Variants in ZNF469 observed in about 807,000 individuals in gnomAD.
ZNF469 encodes the protein zinc finger protein 469.
A neutral mutation model predicts 1.0 loss-of-function variants in ZNF469; 1 was observed. The ratio of observed to expected loss-of-function variants is 1.00; its 90% confidence interval spans 0.35 to 4.73. ZNF469 has a LOEUF of 4.73. Among genes scored for constraint, ZNF469 ranks in the 30% most tolerant of loss-of-function variants. The pLI, the probability that ZNF469 is intolerant of heterozygous loss-of-function variation, is 0.16. For missense variants in ZNF469, 6,100 were observed against 5,356.3 expected (o/e 1.14, Z -4.33); for synonymous variants, 2,703 against 2,363.4 (o/e 1.14, Z -4.17).
At chr16:88,377,158 G>A in the ZNF469 span, among the ~76,000 whole-genome samples, 1 of 152,260 alleles carries the variant, frequency 6.6e-6, no homozygotes, top group African/African-American at 2.4e-5. Flanking sequence ...GGCCACAGGA[G>A]TCTTCCCAAT....
At chr16:88,329,628 T>C in the ZNF469 span, among the ~76,000 whole-genome samples, 1 of 152,218 alleles carries the variant, frequency 6.6e-6, no homozygotes, top group Non-Finnish European at 1.5e-5. Flanking sequence ...CTGGGAGCGC[T>C]TCGGTCCCCA....
the ZNF469 span, among the ~76,000 whole-genome samples, chr16:88,220,718 G>A: frequency 2.0e-5 from 3 of 152,116 alleles, no homozygotes; most frequent in Non-Finnish European, 2.9e-5. Flanking sequence ...ACAGGAACCT[G>A]AGTCTGTGGT....
the ZNF469 span, among the ~76,000 whole-genome samples, chr16:88,228,093 C>G: frequency 2.0e-5 from 3 of 152,256 alleles, no homozygotes; most frequent in African/African-American, 7.2e-5. Flanking sequence ...CCAGTATGAC[C>G]TCGTCTAAGC....
intron 1 of ZNF469, among the ~76,000 whole-genome samples, chr16:88,396,915 G>GCCGGGAGGAGACCCTCATGAAGGGAGA (rs1904693522): frequency 6.7e-6 from 1 of 149,500 alleles, no homozygotes; most frequent in Non-Finnish European, 1.5e-5. Context: ...ATGAAGGGAG[G>GCCGGGAGGAGACCCTCATGAAGGGAGA]CCGGGAGGAG....
the ZNF469 span, among the ~76,000 whole-genome samples, chr16:88,213,561 T>C: frequency 6.6e-6 from 1 of 152,234 alleles, no homozygotes; most frequent in African/African-American, 2.4e-5. Flanking sequence ...GAAGGACGTG[T>C]GTGCTCATCC....
the ZNF469 span, among the ~76,000 whole-genome samples, chr16:88,339,178 CAG>C: frequency 8.6e-6 from 1 of 116,490 alleles, no homozygotes; most frequent in Non-Finnish European, 1.8e-5. Context: ...GACATGGGGA[CAG>C]GGTGGCAGGG....
At chr16:88,355,410 C>T in the ZNF469 span, among the ~76,000 whole-genome samples, 4 of 152,256 alleles carry the variant, frequency 2.6e-5, no homozygotes, top group East Asian at 3.8e-4. Context: ...GCCACCATGG[C>T]GCTCACGGAC....
rs1269369079 is a variant in ZNF469, at chr16:88,439,159, C to CA, written c.11690dup (p.Arg3899GlufsTer17). 4 of 1,550,484 alleles carry CA rather than the reference C, an allele frequency of 2.6e-6. No individual in the cohort carries two copies. The African/African-American group carries it at 4.1e-5, about 16-fold the overall frequency. ...GGACAGACTGGGCAAGGCCTTCCCC[C>CA]AGGGGAGACCCCTGCTCAGGCCCCC... On this transcript the variant is annotated frameshift_variant, in exon 3 of 3. Coordinates refer to ENST00000565624, the MANE Select transcript of ZNF469 (RefSeq NM_001367624.2). LOFTEE classifies it low-confidence loss of function (END_TRUNC).
At chr16:88,201,370 C>A in the ZNF469 span, among the ~76,000 whole-genome samples, 9 of 152,262 alleles carry the variant, frequency 5.9e-5, no homozygotes, top group African/African-American at 2.2e-4. The surrounding 1 kb of genome is among the most constrained non-coding windows in gnomAD (Gnocchi z 5.0). Flanking sequence ...GCCTGGCCAA[C>A]ATGGTGAAAC....
chr16:88,141,872 C>A, the ZNF469 span, among the ~76,000 whole-genome samples: 38 of 152,330 alleles, frequency 2.5e-4, no homozygotes, highest in African/African-American at 8.7e-4. Context: ...CAGAAGGGAC[C>A]AGCCCTGCCG....
At chr16:88,328,429 A>G in the ZNF469 span, among the ~76,000 whole-genome samples, 3 of 152,156 alleles carry the variant, frequency 2.0e-5, no homozygotes, top group African/African-American at 7.2e-5. Context: ...GGAAAACGCC[A>G]TGGCAGTTCT....
At chr16:88,295,455 C>G in the ZNF469 span, among the ~76,000 whole-genome samples, 1 of 147,624 alleles carries the variant, frequency 6.8e-6, no homozygotes, top group East Asian at 2.0e-4. Context: ...TGGCAGGGCT[C>G]AGGGTATGGG....
the ZNF469 span, among the ~76,000 whole-genome samples, chr16:88,122,831 A>G: frequency 2.6e-5 from 4 of 151,692 alleles, no homozygotes; most frequent in Non-Finnish European, 4.4e-5. Context: ...CTGTGTATAT[A>G]TGTGTGTGTG....
At chr16:88,222,799 A>AT in the ZNF469 span, among the ~76,000 whole-genome samples, 1 of 151,888 alleles carries the variant, frequency 6.6e-6, no homozygotes, top group African/African-American at 2.4e-5. Flanking sequence ...TGCTCTTGCT[A>AT]TATTGCCCAA....
At chr16:88,105,131 G>A in the ZNF469 span, among the ~76,000 whole-genome samples, 6 of 152,242 alleles carry the variant, frequency 3.9e-5, no homozygotes, top group South Asian at 1.2e-3. Context: ...TGAGGCGGGA[G>A]GAACAGTTGA....
chr16:88,346,406 G>A, the ZNF469 span, among the ~76,000 whole-genome samples: 3 of 152,256 alleles, frequency 2.0e-5, no homozygotes, highest in Non-Finnish European at 4.4e-5. Context: ...TCGGCTGCCC[G>A]GAGCCCCTCC....
At chr16:88,274,068 G>C in the ZNF469 span, among the ~76,000 whole-genome samples, 4 of 152,218 alleles carry the variant, frequency 2.6e-5, no homozygotes, top group African/African-American at 7.2e-5. Flanking sequence ...CTCCCAAAGT[G>C]CTGGGATTAC....
chr16:88,168,597 C>T, the ZNF469 span, among the ~76,000 whole-genome samples: 1 of 152,166 alleles, frequency 6.6e-6, no homozygotes, highest in Non-Finnish European at 1.5e-5. The surrounding 1 kb of genome is among the most constrained non-coding windows in gnomAD (Gnocchi z 4.3). Flanking sequence ...AAGAATGGGG[C>T]TTAGATAAGT....
In ZNF469 at chr16:88,432,916, C is replaced by T. The variant is rs756058946; in HGVS notation, c.5446C>T (p.Pro1816Ser). 3 of 1,550,300 alleles carry T rather than the reference C, an allele frequency of 1.9e-6. No homozygotes were observed. The highest frequency in any genetic ancestry group is 1.4e-5 in the African/African-American group (1 of 73,064). The change falls in exon 3 of 3, where the codon CCT becomes TCT. Residue 1816 changes from proline (P) to serine (S), a missense_variant. Pro to Ser is a moderately conservative substitution (Grantham distance 74). Transcript: ENST00000565624. Reference sequence around the variant, plus strand: ...GGCATTTCAGGGTGACGGGGCTCCACCTCTGGATGCCACCTGGCCTTTTGG... The same window carrying T: ...GGCATTTCAGGGTGACGGGGCTCCATCTCTGGATGCCACCTGGCCTTTTGG... Reference protein sequence around the residue: ...DLAFQGDGAPPLDATWPFGAS... With the variant: ...DLAFQGDGAPSLDATWPFGAS...
Sources: gnomAD v4.1 joint callset for allele counts (sites outside exome capture counted in the v4.1 genomes callset) on GRCh38, gnomAD v4.1.1 for gene constraint, Gnocchi (gnomAD v3.1) non-coding constraint, MANE v1.5 for transcripts, NCBI Gene and HGNC (gene_info 2026-07-23, HGNC 2026-07-21) for gene names.